The following ZNF473 variants were observed in gnomAD, a reference collection of about 807,000 sequenced individuals.
ZNF473 encodes zinc finger protein 100 homolog.
In ZNF473, 4 loss-of-function variants were observed where a neutral mutation model predicts 11.1. The observed-to-expected ratio is 0.36, with a 90% CI of 0.18 to 0.82. ZNF473 has a LOEUF of 0.82. Ranked by LOEUF, ZNF473 falls within the 40% of genes least tolerant of loss-of-function variation. The pLI, the probability that ZNF473 is intolerant of heterozygous loss-of-function variation, is 0.49. For synonymous variants in ZNF473, 404 were observed against 390.4 expected, an observed-to-expected ratio of 1.03 and a Z score of -0.41; for missense variants, 854 against 1,084.0, an observed-to-expected ratio of 0.79 and a Z score of 2.98.
intron 2 of ZNF473, among the ~76,000 whole-genome samples, chr19:50,034,115 G>A (rs2077332848): frequency 3.3e-5 from 5 of 152,146 alleles, no homozygotes; most frequent in Admixed American, 6.6e-5. Flanking sequence ...CTATGTCTCA[G>A]TAAGTGGCAA....
At chr19:50,034,513 A>T (rs1201866008) in intron 2 of ZNF473, among the ~76,000 whole-genome samples, 4 of 152,062 alleles carry the variant, frequency 2.6e-5, no homozygotes, top group Non-Finnish European at 5.9e-5. Flanking sequence ...TTTTTTTGCC[A>T]TCCACCCCAG....
Position 50,046,283 on chromosome 19 carries a change from T to C in ZNF473, c.1840T>C (p.Ser614Pro). ...TRLIHHQRIH[S>P]RVRLYKWGEQ... ...GCTCATTCACCATCAAAGAATCCACTCTAGAGTGAGGCTGTATAAATGGGG... is the reference window on the plus strand; with the variant it reads ...GCTCATTCACCATCAAAGAATCCACCCTAGAGTGAGGCTGTATAAATGGGG... Residue 614 changes from serine (S) to proline (P), a missense_variant, in exon 5 of 5, where the codon TCT becomes CCT. Physicochemically the swap from Ser to Pro is moderately conservative, Grantham distance 74. Coordinates refer to ENST00000270617, the MANE Select transcript of ZNF473 (RefSeq NM_015428.4). The surrounding 1 kb of genome is among the most constrained non-coding windows in gnomAD (Gnocchi z 5.9). 6.2e-7 allele frequency: 1 copy of C among 1,614,008 alleles called. No individual in the cohort carries two copies. The highest frequency in any genetic ancestry group is 8.5e-7 in the Non-Finnish European group (1 of 1,179,974).
At chr19:50,038,392 A>T (rs557676247) in intron 2 of ZNF473, among the ~76,000 whole-genome samples, 1 of 152,134 alleles carries the variant, frequency 6.6e-6, no homozygotes, top group East Asian at 1.9e-4. Flanking sequence ...CGGACCTGGT[A>T]CCACCTGTGA....
chr19:50,032,475 T>C (rs2077323217), intron 2 of ZNF473, among the ~76,000 whole-genome samples: 1 of 152,124 alleles, frequency 6.6e-6, no homozygotes, highest in African/African-American at 2.4e-5. Flanking sequence ...CTCCTTCCCT[T>C]GTCCCAAAAC....
rs747863439 is a variant in ZNF473 at position 50,045,031 on chromosome 19, C to T, written c.588C>T (p.His196=). 5 of 1,614,190 alleles carry T rather than the reference C, an allele frequency of 3.1e-6. No individual in the cohort carries two copies. The highest frequency in any genetic ancestry group is 4.5e-5 in the East Asian group (2 of 44,882). ...YRGEFFSYSD[H]SQQDSVQEGE... is the part of the protein sequence containing the mutation. ...GTGAGTTTTTCTCCTACTCCGACCA[C>T]AGCCAGCAGGATTCTGTTCAGGAAG... The change falls in exon 5 of 5, where the codon CAC becomes CAT. Residue 196 remains histidine (H), a synonymous_variant. Coordinates refer to ENST00000270617, the MANE Select transcript of ZNF473 (RefSeq NM_015428.4).
intron 1 of ZNF473, among the ~76,000 whole-genome samples, chr19:50,029,237 G>A (rs2077303960): frequency 1.3e-5 from 2 of 152,176 alleles, no homozygotes; most frequent in African/African-American, 4.8e-5. Context: ...CCACCTCCCG[G>A]GTTCACACCA....
chr19:50,031,618 C>G (rs1297245593), intron 2 of ZNF473, among the ~76,000 whole-genome samples: 1 of 152,080 alleles, frequency 6.6e-6, no homozygotes, highest in Non-Finnish European at 1.5e-5. Context: ...CCATAGTACC[C>G]CCTGCTGCCT....
intron 2 of ZNF473, among the ~76,000 whole-genome samples, chr19:50,037,586 A>G (rs910174845): frequency 9.9e-5 from 15 of 151,572 alleles, no homozygotes; most frequent in African/African-American, 3.4e-4. Context: ...TTCAGGAGGC[A>G]GGGGCAGGAG....
At position 50,045,354 on chromosome 19, in the gene ZNF473, A is replaced by G. The variant is rs1315792685; in HGVS notation, c.911A>G (p.Asp304Gly). Residue 304 changes from aspartate (D) to glycine (G), a missense_variant, in exon 5 of 5, where the codon GAC becomes GGC. Around this residue, in one of 2 missense-constraint regions of ZNF473, gnomAD observed 668 missense variants for 790.2 expected, o/e 0.85. Transcript: ENST00000270617. ...SQDSDHPPSH[D>G]TQPGEHQKTH... The stretch of plus-strand genomic sequence containing the variant: ...GATAGTGACCACCCACCCAGTCATG[A>G]CACACAGCCTGGTGAGCATCAGAAA... 4.3e-6 allele frequency: 7 copies of G among 1,614,076 alleles called. No individual in the cohort carries two copies. The highest frequency in any genetic ancestry group is 5.9e-6 in the Non-Finnish European group (7 of 1,180,042).
intron 2 of ZNF473, among the ~76,000 whole-genome samples, chr19:50,032,216 G>C (rs2077322101): frequency 6.6e-6 from 1 of 150,734 alleles, no homozygotes; most frequent in Admixed American, 6.7e-5. Flanking sequence ...CAGTCTGGGA[G>C]TGTGAGGAAA....
At chr19:50,038,705 T>C (rs1032470941) in intron 2 of ZNF473, among the ~76,000 whole-genome samples, 4 of 152,140 alleles carry the variant, frequency 2.6e-5, no homozygotes, top group Non-Finnish European at 5.9e-5. Context: ...TATACAGATT[T>C]TGAATGTGGT....
rs149524242 is a variant in ZNF473 at position 50,046,524 on chromosome 19, G to T, written c.2081G>T (p.Arg694Leu). The change falls in exon 5 of 5, where the codon CGA becomes CTA. Residue 694 changes from arginine to leucine, a missense_variant. This residue lies in a region of ZNF473 where 186 missense variants were observed against 293.8 expected (regional missense o/e 0.63). Coordinates refer to ENST00000270617, the MANE Select transcript of ZNF473 (RefSeq NM_015428.4). The surrounding 1 kb of genome is among the most constrained non-coding windows in gnomAD (Gnocchi z 5.9). ...AGAAACTACCTTGTTCAGCATGAGC[G>T]AACTCATGCCAGAAAGAAGCCGTTG... ...TQRNYLVQHE[R>L]THARKKPLVC... The T allele has an allele frequency of 1.9e-6, 3 of 1,614,054 alleles. No homozygotes were observed. The highest frequency in any genetic ancestry group is 2.5e-6 in the Non-Finnish European group (3 of 1,180,036).
chr19:50,045,479 C>G lies in ZNF473; in HGVS notation c.1036C>G (p.Arg346Gly), dbSNP rs575531440. 1 of 1,614,040 alleles carries G rather than the reference C, an allele frequency of 6.2e-7. No homozygotes were observed. The highest frequency in any genetic ancestry group is 1.3e-5 in the African/African-American group (1 of 74,900). ...TRHQKIHTRKRYECSKCQATF... is the reference protein window; with the variant it reads ...TRHQKIHTRKGYECSKCQATF... ...GCACCAGAAGATCCACACTCGGAAA[C>G]GCTATGAGTGTTCCAAGTGCCAGGC... The change falls in exon 5 of 5, where the codon CGC becomes GGC. Residue 346 changes from arginine to glycine, a missense_variant. Physicochemically the swap from Arg to Gly is moderately radical, Grantham distance 125 (BLOSUM62 -2). Transcript: ENST00000270617.
intron 3 of ZNF473, chr19:50,041,513 C>G: frequency 2.6e-6 from 1 of 385,204 alleles, no homozygotes; most frequent in South Asian, 5.1e-5. Context: ...GCTTTGATCA[C>G]CCTGGATTGT....
chr19:50,028,320 T>G (rs1471636839), intron 1 of ZNF473, among the ~76,000 whole-genome samples: 2 of 146,234 alleles, frequency 1.4e-5, no homozygotes, highest in African/African-American at 2.6e-5. Flanking sequence ...AAAAACAAAT[T>G]TAATTTTTTT....
rs1222965998 is a variant in ZNF473, at chr19:50,030,572, A to G, written c.-191-320A>G. 2.0e-5 allele frequency among the ~76,000 whole-genome samples: 3 copies of G among 152,244 alleles called. No homozygotes were observed. In the East Asian group the frequency reaches 5.8e-4, roughly 29 times the overall value. ...AACTCAAATTCCAGAGATGATAATC[A>G]GAAATCCCAGAAGCATTGTTCCATT... On this transcript the variant is annotated intron_variant, in intron 1 of 4. Coordinates refer to ENST00000270617, the MANE Select transcript of ZNF473 (RefSeq NM_015428.4).
chr19:50,033,820 CA>C (rs748149324), intron 2 of ZNF473, among the ~76,000 whole-genome samples: 3 of 152,156 alleles, frequency 2.0e-5, no homozygotes, highest in Non-Finnish European at 2.9e-5. Context: ...GTCATGGCAT[CA>C]CCTCTTTTCT....
chr19:50,032,299 C>G (rs1180544051), intron 2 of ZNF473, among the ~76,000 whole-genome samples: 1 of 151,432 alleles, frequency 6.6e-6, no homozygotes, highest in Admixed American at 6.6e-5. Context: ...TAGACAGCAA[C>G]AGTTTCTGTT....
In ZNF473 at chr19:50,046,104, A is replaced by G; in HGVS notation, c.1661A>G (p.Asn554Ser). ...FFVSGKILDQ[N>S]PEQKEKCFKC... ...GTGAGTGGGAAGATCTTGGATCAGA[A>G]CCCAGAACAGAAAGAGAAGTGCTTT... The change falls in exon 5 of 5, where the codon AAC becomes AGC. Residue 554 changes from asparagine (N) to serine (S), a missense_variant. Asn to Ser is a conservative substitution (Grantham distance 46). Transcript: ENST00000270617. This position sits in a 1 kb window ranked among gnomAD's most constrained non-coding sequence, Gnocchi z 5.9. 1 of 1,614,212 alleles carries G rather than the reference A, an allele frequency of 6.2e-7. No individual in the cohort carries two copies. Among genetic ancestry groups the G allele is most frequent in the East Asian group, 2.2e-5 (1 of 44,894 alleles).
Sources: allele counts gnomAD v4.1 joint callset (sites outside exome capture counted in the v4.1 genomes callset), GRCh38; gene constraint gnomAD v4.1.1; regional missense constraint gnomAD v4.1.1; non-coding constraint Gnocchi (gnomAD v3.1); transcripts MANE v1.5; gene names NCBI Gene and HGNC (gene_info 2026-07-23, HGNC 2026-07-21).